Variants in DIAPH3 observed in about 807,000 individuals in gnomAD.
DIAPH3 encodes diaphanous related formin 3.
Under a neutral mutation model 144.3 loss-of-function variants are expected in DIAPH3, and 117 were observed. The observed-to-expected ratio is 0.81, with a 90% CI of 0.70 to 0.95. The LOEUF (loss-of-function observed/expected upper bound fraction) is 0.95, where lower values mean the gene tolerates loss of function less well. Ranked by LOEUF, DIAPH3 falls within the 40% of genes least tolerant of loss-of-function variation. The probability of loss-of-function intolerance (pLI) is 0.00; values close to 1 mark genes in which losing one functional copy is unlikely to be tolerated. For missense variants in DIAPH3, 1,421 were observed against 1,412.7 expected, an observed-to-expected ratio of 1.01 and a Z score of -0.09; for synonymous variants, 519 against 488.9, an observed-to-expected ratio of 1.06 and a Z score of -0.81.
At chr13:60,049,501 A>G (rs1447862107) in intron 4 of DIAPH3, among the ~76,000 whole-genome samples, 1 of 152,082 alleles carries the variant, frequency 6.6e-6, no homozygotes, top group African/African-American at 2.4e-5. Context: ...CCTCACCACC[A>G]CTACTACAAC....
chr13:60,021,776 G>C (rs1475389283), intron 5 of DIAPH3, among the ~76,000 whole-genome samples: 1 of 151,956 alleles, frequency 6.6e-6, no homozygotes, highest in East Asian at 1.9e-4. Flanking sequence ...TGAAAAACCT[G>C]GGAATGGCCG....
In DIAPH3 at chr13:59,733,842, A is replaced by C. The variant is rs574939118; in HGVS notation, c.3319+40347T>G. Among the ~76,000 whole-genome samples, 11 of 152,334 alleles carry C rather than the reference A, an allele frequency of 7.2e-5. No individual in the cohort carries two copies. The South Asian group carries it at 2.3e-3, about 32-fold the overall frequency. On this transcript the variant is annotated intron_variant, in intron 27 of 27. Coordinates refer to ENST00000400324, the MANE Select transcript of DIAPH3 (RefSeq NM_001042517.2). ...TTTCCAATTCAGCATTTTCCAACCCAGTGCTCAAAGAAGTGAATACCAACC... is the reference window on the plus strand; with the variant it reads ...TTTCCAATTCAGCATTTTCCAACCCCGTGCTCAAAGAAGTGAATACCAACC...
intron 5 of DIAPH3, among the ~76,000 whole-genome samples, chr13:60,031,609 C>T (rs1318915211): frequency 3.3e-5 from 5 of 152,088 alleles, no homozygotes; most frequent in African/African-American, 1.2e-4. Flanking sequence ...TCATTTACTT[C>T]CAAGATACAA....
At chr13:59,910,685 C>T (rs1002694759) in intron 20 of DIAPH3, among the ~76,000 whole-genome samples, 1 of 150,336 alleles carries the variant, frequency 6.7e-6, no homozygotes, top group Admixed American at 6.6e-5. Context: ...GTCGAGATTG[C>T]ACCACTTGCA....
At chr13:59,758,477 G>T (rs140479682) in intron 27 of DIAPH3, among the ~76,000 whole-genome samples, 134 of 152,288 alleles carry the variant, frequency 8.8e-4, no homozygotes, top group Middle Eastern at 3.4e-3. Flanking sequence ...GGACATGTGT[G>T]GAATGTGAGG....
intron 9 of DIAPH3, among the ~76,000 whole-genome samples, chr13:59,997,997 TC>T (rs2052309905): frequency 6.6e-6 from 1 of 152,146 alleles, no homozygotes; most frequent in African/African-American, 2.4e-5. Flanking sequence ...TATTCATCTT[TC>T]CTACCCCATA....
intron 27 of DIAPH3, among the ~76,000 whole-genome samples, chr13:59,757,466 T>C (rs1222120966): frequency 2.3e-5 from 3 of 132,096 alleles, no homozygotes. Context: ...AATGGCGCAA[T>C]CTCGGCTCAC....
chr13:59,895,030 T>C (rs1201768163), intron 20 of DIAPH3, among the ~76,000 whole-genome samples: 1 of 152,122 alleles, frequency 6.6e-6, no homozygotes. Flanking sequence ...AGTTTCAGCA[T>C]AAAGCCACAA....
chr13:59,711,269 A>G (rs913905498), intron 27 of DIAPH3, among the ~76,000 whole-genome samples: 1 of 152,194 alleles, frequency 6.6e-6, no homozygotes, highest in East Asian at 1.9e-4. Flanking sequence ...TGTACTGGAC[A>G]GTCCTTGAAG....
At chr13:60,079,975 C>T (rs1594607012) in intron 4 of DIAPH3, among the ~76,000 whole-genome samples, 2 of 151,748 alleles carry the variant, frequency 1.3e-5, no homozygotes, top group South Asian at 4.1e-4. Flanking sequence ...ACACAAAAAC[C>T]CCTAAATTTT....
At chr13:59,874,890 C>T (rs948103957) in intron 21 of DIAPH3, among the ~76,000 whole-genome samples, 1 of 152,150 alleles carries the variant, frequency 6.6e-6, no homozygotes, top group African/African-American at 2.4e-5. Flanking sequence ...AGAAATTATA[C>T]ATCTTATTAG....
chr13:59,710,334 T>C (rs1446288240), intron 27 of DIAPH3, among the ~76,000 whole-genome samples: 1 of 150,260 alleles, frequency 6.7e-6, no homozygotes, highest in Non-Finnish European at 1.5e-5. Context: ...TCTGCAAAGA[T>C]CTTAAAAAAA....
chr13:59,799,375 GCACA>G (rs56979042), intron 25 of DIAPH3, among the ~76,000 whole-genome samples: 30,046 of 138,926 alleles, frequency 0.22, 3,055 homozygotes, highest in East Asian at 0.31. Context: ...CTGGAAATAT[GCACA>G]CACACACACA....
chr13:59,688,050 AT>A (rs1331172938), intron 27 of DIAPH3, among the ~76,000 whole-genome samples: 12 of 152,016 alleles, frequency 7.9e-5, no homozygotes, highest in African/African-American at 2.9e-4. Context: ...AATACCAAAG[AT>A]TTTCTTCCCC....
chr13:59,889,264 T>C (rs375098139), intron 20 of DIAPH3, among the ~76,000 whole-genome samples: 7 of 152,090 alleles, frequency 4.6e-5, no homozygotes, highest in Non-Finnish European at 8.8e-5. Flanking sequence ...CTGAATGATA[T>C]CTACCCAATA....
chr13:59,952,105 C>T (rs1438757196), intron 17 of DIAPH3, among the ~76,000 whole-genome samples: 1 of 152,118 alleles, frequency 6.6e-6, no homozygotes, highest in Non-Finnish European at 1.5e-5. Context: ...ACACATGCTA[C>T]AATGCATACT....
At chr13:59,739,789 G>A (rs190675647) in intron 27 of DIAPH3, among the ~76,000 whole-genome samples, 1 of 151,936 alleles carries the variant, frequency 6.6e-6, no homozygotes, top group East Asian at 1.9e-4. Flanking sequence ...GGAGGACCCT[G>A]AAAAATACAC....
At chr13:59,850,114 CTGTT>C (rs1231404442) in intron 22 of DIAPH3, among the ~76,000 whole-genome samples, 3 of 151,394 alleles carry the variant, frequency 2.0e-5, no homozygotes, top group African/African-American at 7.3e-5. Context: ...ATTTGGCTCT[CTGTT>C]TGTCTGTTGT....
intron 5 of DIAPH3, among the ~76,000 whole-genome samples, chr13:60,031,947 T>C (rs1328353106): frequency 1.3e-5 from 2 of 152,056 alleles, no homozygotes; most frequent in Non-Finnish European, 2.9e-5. Context: ...TTTCACCACG[T>C]TGGCCAAGAT....
Sources: gnomAD v4.1 joint callset for allele counts (sites outside exome capture counted in the v4.1 genomes callset) on GRCh38, gnomAD v4.1.1 for gene constraint, MANE v1.5 for transcripts, NCBI Gene and HGNC (gene_info 2026-07-23, HGNC 2026-07-21) for gene names.